Variants in DENND6B observed in about 807,000 individuals in gnomAD.
DENND6B encodes the protein DENN domain containing 6B.
In DENND6B, 73 loss-of-function variants were observed where a neutral mutation model predicts 85.1. The ratio of observed to expected loss-of-function variants is 0.86; its 90% confidence interval spans 0.71 to 1.04. The LOEUF is 1.04. DENND6B is among the 50% of genes least tolerant of loss of function. DENND6B has a pLI of 0.00. For synonymous variants in DENND6B, 357 were observed against 329.3 expected (o/e 1.08, Z -0.91); for missense variants, 715 against 785.8 (o/e 0.91, Z 1.08).
chr22:50,324,065 G>A (rs1443133094), intron 1 of DENND6B, among the ~76,000 whole-genome samples: 1 of 152,016 alleles, frequency 6.6e-6, no homozygotes, highest in Non-Finnish European at 1.5e-5. Context: ...TGAGAAGGCG[G>A]AGCCAGGCCC....
intron 13 of DENND6B, 25 bp downstream of exon 13, chr22:50,314,166 TCTCCACGGTGGAGGGG>T: frequency 6.3e-7 from 1 of 1,576,810 alleles, no homozygotes. Context: ...AAGACAGGCC[TCTCCACGGTGGAGGGG>T]CTCCAGGTCG....
At chr22:50,313,257 G>A in intron 16 of DENND6B, 149 bp from the exon 17 acceptor site, 1 of 1,151,080 alleles carries the variant, frequency 8.7e-7, no homozygotes, top group South Asian at 1.5e-5. Context: ...TTCCCAGGGA[G>A]CAGGCCCTGA....
intron 1 of DENND6B, chr22:50,319,252 G>A: frequency 1.0e-6 from 1 of 985,298 alleles, no homozygotes; most frequent in Non-Finnish European, 1.2e-6. Context: ...TGGCTGTGAT[G>A]TCTGGCTCCT....
In DENND6B at chr22:50,312,645, G is replaced by A. The variant is rs2147764503; in HGVS notation, c.1458-20C>T. On this transcript the variant is annotated intron_variant, in intron 17 of 19. Transcript: ENST00000413817. ...AACCGCCTGTGGGGATTAACAGGCG[G>A]GGGGCCATGGGGCTGACCCTGGGGA... is the stretch of plus-strand genomic sequence containing the variant. 1 of 1,547,376 alleles carries A rather than the reference G, an allele frequency of 6.5e-7. No individual in the cohort carries two copies. Among genetic ancestry groups the A allele is most frequent in the African/African-American group, 1.4e-5 (1 of 73,054 alleles).
intron 15 of DENND6B, 63 bp from the exon 16 acceptor site, chr22:50,313,562 G>GGC: frequency 1.1e-5 from 4 of 374,350 alleles, no homozygotes; most frequent in Non-Finnish European, 1.4e-5. Flanking sequence ...ATCCCCCGCA[G>GGC]CCCCGTCCCC....
chr22:50,323,057 C>T (rs1205740509), intron 1 of DENND6B, among the ~76,000 whole-genome samples: 50 of 90,550 alleles, frequency 5.5e-4, no homozygotes, highest in African/African-American at 1.7e-3. Flanking sequence ...TTAGTAGAGA[C>T]GGGGTTTCAC....
chr22:50,312,930 C>CG, intron 17 of DENND6B, 69 bp downstream of exon 17: 2 of 1,351,326 alleles, frequency 1.5e-6, no homozygotes, highest in Non-Finnish European at 2.0e-6. Context: ...GATTGACAGG[C>CG]GGGGGGCCAT....
intron 9 of DENND6B, 130 bp downstream of exon 9, chr22:50,315,584 G>A (rs980036396): frequency 2.8e-5 from 32 of 1,126,456 alleles, no homozygotes; most frequent in Non-Finnish European, 3.9e-5. Context: ...ACACACACAC[G>A]TGCACACGTG....
chr22:50,318,662 C>T (rs1046036628), intron 3 of DENND6B, among the ~76,000 whole-genome samples, 185 bp downstream of exon 3: 2 of 152,130 alleles, frequency 1.3e-5, no homozygotes, highest in South Asian at 2.1e-4. Flanking sequence ...ATCTGGGGAC[C>T]GGCCTGACCT....
In DENND6B at chr22:50,314,838, G is replaced by A. The variant is rs371843726; in HGVS notation, c.842C>T (p.Ser281Leu). The change falls in exon 10 of 20, where the codon TCG (serine) becomes TTG (leucine). Residue 281 changes from serine (S) to leucine (L), a missense_variant. Transcript: ENST00000413817. ...LGEPLLVLAPSPDVSSEMVLA... is the reference protein window; with the variant it reads ...LGEPLLVLAPLPDVSSEMVLA... ...CACCATCTCCGAGGACACGTCGGGC[G>A]AGGGTGCCAGGACTAGCAGGGGCTC... 39 of 1,611,306 alleles carry A rather than the reference G, an allele frequency of 2.4e-5. No homozygotes were observed. The highest frequency in any genetic ancestry group is 4.5e-5 in the East Asian group (2 of 44,846).
intron 5 of DENND6B, chr22:50,316,722 G>A: frequency 7.0e-7 from 1 of 1,437,432 alleles, no homozygotes; most frequent in Non-Finnish European, 9.2e-7. Flanking sequence ...CCTTCGGAGG[G>A]AAACGCACGG....
At chr22:50,313,932 T>C in intron 13 of DENND6B, 54 bp from the exon 14 acceptor site, 1 of 1,542,208 alleles carries the variant, frequency 6.5e-7, no homozygotes, top group Non-Finnish European at 8.7e-7. Flanking sequence ...CCTCCCACAC[T>C]CCTGCAGCCC....
intron 1 of DENND6B, chr22:50,319,296 C>T (rs2041965591): frequency 1.0e-6 from 1 of 985,370 alleles, no homozygotes; most frequent in Non-Finnish European, 1.2e-6. Flanking sequence ...CCTCCAGGCA[C>T]CAGGCCCCGG....
In DENND6B at chr22:50,314,888, T is replaced by C. The variant is rs1280665793; in HGVS notation, c.792A>G (p.Thr264=). 1 of 1,612,226 alleles carries C rather than the reference T, an allele frequency of 6.2e-7. No homozygotes were observed. The highest frequency in any genetic ancestry group is 1.7e-5 in the Admixed American group (1 of 60,002). The part of the protein sequence containing the change: ...CFRPVLTHMQ[T]LWELMLLGEP... The stretch of plus-strand genomic sequence containing the variant: ...CCCCGAGGAGCATGAGCTCCCACAG[T>C]GTCTGCATATGAGTCAGCACAGGCC... The change falls in exon 10 of 20, where the codon ACA becomes ACG. Residue 264 remains threonine (T), a synonymous_variant. Transcript: ENST00000413817.
intron 9 of DENND6B, chr22:50,315,161 G>C: frequency 1.7e-6 from 1 of 574,802 alleles, no homozygotes. Context: ...GGACCCACCT[G>C]TGAGGGACCA....
At chr22:50,314,007 A>ATCTC in intron 13 of DENND6B, 129 bp from the exon 14 acceptor site, 1 of 1,341,306 alleles carries the variant, frequency 7.5e-7, no homozygotes, top group Non-Finnish European at 9.9e-7. Context: ...GCACCTGAAA[A>ATCTC]TCTCACCCAC....
At chr22:50,317,760 G>C (rs2041902254) in intron 4 of DENND6B, 148 bp downstream of exon 4, 1 of 776,682 alleles carries the variant, frequency 1.3e-6, no homozygotes, top group African/African-American at 1.8e-5. Context: ...CTGGTGCCTG[G>C]GACTGCAGGG....
At chr22:50,324,036 G>A (rs894690643) in intron 1 of DENND6B, among the ~76,000 whole-genome samples, 1 of 152,060 alleles carries the variant, frequency 6.6e-6, no homozygotes, top group Non-Finnish European at 1.5e-5. Flanking sequence ...CCCAGCCCAA[G>A]AGGTGAGTTT....
Position 50,314,607 on chromosome 22 carries a change from GGCCTGCGTGCGT to G in DENND6B, c.963_974del (p.Arg322_Ala325del). 6 of 1,561,214 alleles carry G rather than the reference GGCCTGCGTGCGT, an allele frequency of 3.8e-6. No individual in the cohort carries two copies. Among genetic ancestry groups the G allele is most frequent in the Non-Finnish European group, 4.3e-6 (5 of 1,153,104 alleles). ...GGCGGGGCAGAGGCGGCACTTACGG[GGCCTGCGTGCGT>G]GTGGTGAACTCCTTGAACTCGCTGT... On this transcript the variant is annotated inframe_deletion, in exon 11 of 20. Transcript: ENST00000413817.
Sources: allele counts gnomAD v4.1 joint callset (sites outside exome capture counted in the v4.1 genomes callset), GRCh38; gene constraint gnomAD v4.1.1; transcripts MANE v1.5; gene names NCBI Gene and HGNC (gene_info 2026-07-23, HGNC 2026-07-21).